The following ZNF438 variants were observed in gnomAD, a reference collection of about 807,000 sequenced individuals.
ZNF438 encodes zinc finger protein 438.
Under a neutral mutation model 38.0 loss-of-function variants are expected in ZNF438, and 25 were observed. The ratio of observed to expected loss-of-function variants is 0.66; its 90% CI spans 0.48 to 0.92. The LOEUF is 0.92. Among genes scored for constraint, ZNF438 ranks in the 40% least tolerant of loss-of-function variants. The pLI, the probability that ZNF438 is intolerant of heterozygous loss-of-function variation, is 0.00. For synonymous variants in ZNF438, 372 were observed against 364.1 expected (o/e 1.02, Z -0.25); for missense variants, 1,007 against 999.6 (o/e 1.01, Z -0.10).
chr10:30,894,716 G>A (rs1367332165), intron 3 of ZNF438, among the ~76,000 whole-genome samples: 1 of 152,066 alleles, frequency 6.6e-6, no homozygotes, highest in Non-Finnish European at 1.5e-5. Flanking sequence ...AGGAGAAAGA[G>A]CATTTGAAGA....
At chr10:31,000,420 C>T (rs1033252116) in intron 1 of ZNF438, among the ~76,000 whole-genome samples, 1 of 152,252 alleles carries the variant, frequency 6.6e-6, no homozygotes, top group African/African-American at 2.4e-5. Context: ...AATTCACATG[C>T]ACATTAAAAT....
chr10:30,903,097 G>A (rs993247157), intron 3 of ZNF438, among the ~76,000 whole-genome samples: 13 of 152,168 alleles, frequency 8.5e-5, no homozygotes, highest in Admixed American at 2.0e-4. Context: ...CTCCCAGTGC[G>A]GGGCCCGCCA....
intron 4 of ZNF438, chr10:30,857,830 C>T: frequency 8.3e-7 from 1 of 1,210,616 alleles, no homozygotes; most frequent in Non-Finnish European, 1.1e-6. Context: ...AATGAGGGCT[C>T]AATAGCACTA....
At position 31,011,568 on chromosome 10, in the gene ZNF438, A is replaced by G. The variant is rs16932109; in HGVS notation, c.-192+20265T>C. On this transcript the variant is annotated intron_variant, in intron 1 of 5. Coordinates refer to ENST00000413025, the Ensembl canonical transcript of ZNF438. ...AGTCAAAAACAGGAAAGGGTGCGGT[A>G]TAAGCCAAGGGTCAGGGTCAGGCCT... Among the ~76,000 whole-genome samples the G allele has an allele frequency of 3.4e-3, 522 of 152,366 alleles. 2 individuals are homozygous for G. The highest frequency in any genetic ancestry group is 0.017 in the Middle Eastern group (5 of 294).
chr10:31,001,467 G>A (rs1461408862), intron 1 of ZNF438, among the ~76,000 whole-genome samples: 1 of 152,128 alleles, frequency 6.6e-6, no homozygotes, highest in Admixed American at 6.5e-5. Flanking sequence ...CAGATAATTG[G>A]ACAGGACACA....
rs1276407009 is a variant in ZNF438, at chr10:30,911,990, CTT to C, written c.-114-2977_-114-2976del. Among the ~76,000 whole-genome samples the C allele has an allele frequency of 1.4e-3, 213 of 152,244 alleles. 2 individuals are homozygous for C. The highest frequency in any genetic ancestry group is 5.0e-3 in the African/African-American group (206 of 41,542). On this transcript the variant is annotated intron_variant, in intron 2 of 5. Transcript: ENST00000413025. ...ACAACATGAAAATATTATTCCTTCT[CTT>C]GTTTATATATTCAACCTCTTCTTCT... is the stretch of plus-strand genomic sequence containing the variant.
rs1420697044 is a variant in ZNF438 at position 30,960,796 on chromosome 10, A to T, written c.-191-19145T>A. 1.4e-5 allele frequency among the ~76,000 whole-genome samples: 2 copies of T among 141,856 alleles called. 1 individual carries two copies. 93.1% of individuals were successfully genotyped at this position (141,856 alleles called of 152,430 possible). A position where few individuals can be genotyped will look rare whatever the true frequency, so the allele number is the denominator to read the frequency against. On this transcript the variant is annotated intron_variant, in intron 1 of 5. Coordinates refer to ENST00000413025, the Ensembl canonical transcript of ZNF438. ...CACCTTAAATCCTTTCTTAGACAAGATAGATATAAATATAAAAATAAAATA... is the reference window on the plus strand; with the variant it reads ...CACCTTAAATCCTTTCTTAGACAAGTTAGATATAAATATAAAAATAAAATA...
intron 3 of ZNF438, among the ~76,000 whole-genome samples, chr10:30,892,318 T>C (rs973622381): frequency 6.8e-6 from 1 of 147,526 alleles, no homozygotes; most frequent in African/African-American, 2.6e-5. Flanking sequence ...CAATAACTAA[T>C]AAGAAAATAC....
intron 2 of ZNF438, among the ~76,000 whole-genome samples, chr10:30,923,023 C>T (rs79341490): frequency 0.083 from 12,650 of 152,168 alleles, 599 homozygotes; most frequent in Non-Finnish European, 0.11. Flanking sequence ...TGATAAATTT[C>T]TCCAAACTGA....
At chr10:30,968,579 G>T (rs762459644) in intron 1 of ZNF438, among the ~76,000 whole-genome samples, 1 of 151,424 alleles carries the variant, frequency 6.6e-6, no homozygotes, top group Non-Finnish European at 1.5e-5. Context: ...GAGAAGCTGG[G>T]ATTACAAACA....
At chr10:30,879,064 A>C (rs1425808999) in intron 3 of ZNF438, among the ~76,000 whole-genome samples, 1 of 152,192 alleles carries the variant, frequency 6.6e-6, no homozygotes, top group Non-Finnish European at 1.5e-5. Flanking sequence ...ACACACAGAC[A>C]CAGCACAACA....
At chr10:31,011,056 T>C (rs1179397397) in intron 1 of ZNF438, among the ~76,000 whole-genome samples, 1 of 152,120 alleles carries the variant, frequency 6.6e-6, no homozygotes. Context: ...CCATGCATGC[T>C]TCATGGTTCT....
intron 4 of ZNF438, among the ~76,000 whole-genome samples, chr10:30,851,098 T>C (rs1007764497): frequency 6.6e-6 from 1 of 152,216 alleles, no homozygotes; most frequent in African/African-American, 2.4e-5. Flanking sequence ...ATGTGACACC[T>C]TTAAAAAATG....
intron 4 of ZNF438, among the ~76,000 whole-genome samples, chr10:30,868,461 T>C (rs1000713524): frequency 3.3e-5 from 5 of 152,314 alleles, no homozygotes; most frequent in Non-Finnish European, 7.4e-5. Flanking sequence ...TCCTAATTAA[T>C]ACAAGTTAGA....
chr10:30,897,786 A>G lies in ZNF438; in HGVS notation c.-32+11147T>C, dbSNP rs115372263. On this transcript the variant is annotated intron_variant, in intron 3 of 5. Coordinates refer to ENST00000413025, the Ensembl canonical transcript of ZNF438. ...GAGACAAGCAGACAGTGGTGAGGAC[A>G]TGTGGGGGCAGTGCTCTGGGGCACA... Among the ~76,000 whole-genome samples, 821 of 152,308 alleles carry G rather than the reference A, an allele frequency of 5.4e-3. 6 individuals are homozygous for G. Among genetic ancestry groups the G allele is most frequent in the African/African-American group, 0.019 (788 of 41,582 alleles).
chr10:30,901,671 G>A (rs190162091), intron 3 of ZNF438, among the ~76,000 whole-genome samples: 7 of 151,800 alleles, frequency 4.6e-5, no homozygotes, highest in African/African-American at 1.2e-4. Flanking sequence ...CTCACCGCTC[G>A]GCGATAGTCT....
At chr10:30,939,498 C>T (rs2046594648) in intron 2 of ZNF438, among the ~76,000 whole-genome samples, 1 of 152,188 alleles carries the variant, frequency 6.6e-6, no homozygotes, top group African/African-American at 2.4e-5. Context: ...CCTGATCTTT[C>T]AATACCTGAC....
At chr10:30,942,080 G>A (rs1416792689) in intron 1 of ZNF438, among the ~76,000 whole-genome samples, 3 of 152,288 alleles carry the variant, frequency 2.0e-5, no homozygotes, top group Admixed American at 6.5e-5. Context: ...GTATCGAGGC[G>A]ATGTAGTAAG....
chr10:30,963,753 C>A (rs556849672), intron 1 of ZNF438, among the ~76,000 whole-genome samples: 2 of 151,970 alleles, frequency 1.3e-5, no homozygotes, highest in Admixed American at 1.3e-4. Flanking sequence ...CGGTGGCAGG[C>A]GCCTGTAATC....
Sources: allele counts gnomAD v4.1 joint callset (sites outside exome capture counted in the v4.1 genomes callset), GRCh38; gene constraint gnomAD v4.1.1; transcripts MANE v1.5; gene names NCBI Gene and HGNC (gene_info 2026-07-23, HGNC 2026-07-21).